Variants in EBF1 observed in about 807,000 individuals in gnomAD.
The protein encoded by EBF1 is EBF transcription factor 1, also known as transcription factor COE1.
A neutral mutation model predicts 68.4 loss-of-function variants in EBF1; 10 were observed. That is an observed-to-expected ratio of 0.15 (90% CI 0.09 to 0.25). The LOEUF is 0.25. Ranked by LOEUF, EBF1 falls within the 10% of genes least tolerant of loss-of-function variation. EBF1 has a pLI of 1.00. For missense variants in EBF1, 509 were observed against 794.4 expected, an observed-to-expected ratio of 0.64 and a Z score of 4.32; for synonymous variants, 298 against 299.8, an observed-to-expected ratio of 0.99 and a Z score of 0.06.
At chr5:158,882,123 T>C (rs1475035375) in intron 6 of EBF1, among the ~76,000 whole-genome samples, 1 of 152,236 alleles carries the variant, frequency 6.6e-6, no homozygotes, top group Non-Finnish European at 1.5e-5. Context: ...AGTTCAGCTA[T>C]GACATTATTA....
intron 6 of EBF1, among the ~76,000 whole-genome samples, chr5:158,991,103 G>A (rs1217699475): frequency 6.6e-6 from 1 of 152,194 alleles, no homozygotes; most frequent in African/African-American, 2.4e-5. Context: ...GTGTGATCTT[G>A]AGCAATACAC....
Position 158,712,192 on chromosome 5 carries a change from G to A in EBF1, c.1511C>T (p.Thr504Ile). The A allele has an allele frequency of 1.2e-6, 2 of 1,613,862 alleles. No individual in the cohort carries two copies. Among genetic ancestry groups the A allele is most frequent in the Non-Finnish European group, 1.7e-6 (2 of 1,179,898 alleles). Residue 504 changes from threonine to isoleucine, a missense_variant, in exon 14 of 16, where the codon ACC becomes ATC. Thr to Ile is a moderately conservative substitution (Grantham distance 89). This residue lies in a region of EBF1 where 205 missense variants were observed against 247.4 expected (regional missense o/e 0.83). Coordinates refer to ENST00000313708, the MANE Select transcript of EBF1 (RefSeq NM_024007.5). Reference protein sequence around the residue: ...AAMSNLGGSPTFLNGSAANSP... With the variant: ...AAMSNLGGSPIFLNGSAANSP... ...GTTGGCAGCTGAGCCGTTGAGGAAGGTGGGGGAGCCGCCCAAATTGGACAT... is the reference window on the plus strand; with the variant it reads ...GTTGGCAGCTGAGCCGTTGAGGAAGATGGGGGAGCCGCCCAAATTGGACAT...
intron 14 of EBF1, 37 bp downstream of exon 14, chr5:158,712,117 A>T: frequency 6.2e-7 from 1 of 1,607,954 alleles, no homozygotes; most frequent in South Asian, 1.1e-5. Flanking sequence ...TCTTCTAGCG[A>T]AACGTGCAGG....
intron 10 of EBF1, among the ~76,000 whole-genome samples, chr5:158,752,381 T>C (rs1333349212): frequency 6.7e-6 from 1 of 148,188 alleles, no homozygotes; most frequent in East Asian, 2.0e-4. Context: ...CAAGGATCCA[T>C]TTCTTAGGAA....
chr5:158,971,316 T>A (rs570770918), intron 6 of EBF1, among the ~76,000 whole-genome samples: 1 of 152,186 alleles, frequency 6.6e-6, no homozygotes, highest in Non-Finnish European at 1.5e-5. Flanking sequence ...GGGAGGCCCA[T>A]GAATTCCGGC....
intron 10 of EBF1, among the ~76,000 whole-genome samples, chr5:158,740,748 TG>T (rs1766157853): frequency 6.6e-6 from 1 of 152,238 alleles, no homozygotes; most frequent in Admixed American, 6.5e-5. Context: ...TCTTCAGTAT[TG>T]ACCTAACCTA....
chr5:158,973,795 C>G (rs777359404), intron 6 of EBF1, among the ~76,000 whole-genome samples: 1 of 152,104 alleles, frequency 6.6e-6, no homozygotes, highest in Non-Finnish European at 1.5e-5. Context: ...CCATAAAATC[C>G]TCAATAATTC....
intron 6 of EBF1, among the ~76,000 whole-genome samples, chr5:158,917,710 A>C (rs1807526189): frequency 6.6e-6 from 1 of 152,226 alleles, no homozygotes; most frequent in East Asian, 1.9e-4. Context: ...ATATGGAGTA[A>C]ATATTCCAGG....
chr5:158,867,669 C>T (rs115667267), intron 6 of EBF1, among the ~76,000 whole-genome samples: 1,800 of 152,190 alleles, frequency 0.012, 40 homozygotes, highest in African/African-American at 0.041. Flanking sequence ...CCTTAGTTTG[C>T]GGGAAGAAAA....
At chr5:158,820,016 C>A (rs1410900893) in intron 8 of EBF1, among the ~76,000 whole-genome samples, 1 of 152,030 alleles carries the variant, frequency 6.6e-6, no homozygotes, top group African/African-American at 2.4e-5. Context: ...CATAAGAAAG[C>A]CCATGCATGA....
intron 6 of EBF1, among the ~76,000 whole-genome samples, chr5:158,988,346 G>A (rs945729191): frequency 5.9e-5 from 9 of 152,130 alleles, no homozygotes; most frequent in South Asian, 2.1e-4. Flanking sequence ...TTCCCTATAC[G>A]CTGACTCTTG....
intron 6 of EBF1, among the ~76,000 whole-genome samples, chr5:159,041,558 A>G (rs527668403): frequency 1.3e-5 from 2 of 152,334 alleles, no homozygotes; most frequent in East Asian, 3.9e-4. Flanking sequence ...CCCAGGAATA[A>G]TGCAAATTAC....
At chr5:158,958,851 A>AT in intron 6 of EBF1, among the ~76,000 whole-genome samples, 1 of 152,204 alleles carries the variant, frequency 6.6e-6, no homozygotes, top group South Asian at 2.1e-4. Context: ...TGCCGTGCAT[A>AT]TTTTAAACCA....
rs548364252 is a variant in EBF1, at chr5:159,091,358, C to A, written c.411+4262G>T. Among the ~76,000 whole-genome samples the A allele has an allele frequency of 1.4e-3, 207 of 152,288 alleles. 2 individuals are homozygous for A. Among genetic ancestry groups the A allele is most frequent in the Non-Finnish European group, 1.5e-4 (10 of 68,006 alleles). On this transcript the variant is annotated intron_variant, in intron 4 of 15. Coordinates refer to ENST00000313708, the MANE Select transcript of EBF1 (RefSeq NM_024007.5). ...CCACTGTGATGAGTTTACATTTTCC[C>A]AAACACAGGTCCTGATCATGCATAA... is the stretch of plus-strand genomic sequence containing the variant.
chr5:158,869,578 AACACACACACACACACACACAC>A (rs3035120), intron 6 of EBF1, among the ~76,000 whole-genome samples: 15 of 145,172 alleles, frequency 1.0e-4, no homozygotes, highest in African/African-American at 3.6e-4. Context: ...GATCCTAATA[AACACACACACACACACACACAC>A]ACACACACAC....
chr5:159,015,928 C>T (rs1765538546), intron 6 of EBF1, among the ~76,000 whole-genome samples: 1 of 152,216 alleles, frequency 6.6e-6, no homozygotes, highest in African/African-American at 2.4e-5. Flanking sequence ...TTTGTGTTTA[C>T]AGCCTACTAA....
At chr5:158,802,499 A>G (rs988929810) in intron 8 of EBF1, among the ~76,000 whole-genome samples, 14 of 152,172 alleles carry the variant, frequency 9.2e-5, no homozygotes, top group African/African-American at 3.4e-4. Context: ...AATTCTATTA[A>G]CCAGAACTCT....
chr5:158,731,593 C>G (rs1330346078), intron 10 of EBF1, among the ~76,000 whole-genome samples: 2 of 152,150 alleles, frequency 1.3e-5, no homozygotes, highest in African/African-American at 4.8e-5. Context: ...CGGACCTCAG[C>G]TGATACAATA....
At chr5:158,909,431 C>A (rs1274726790) in intron 6 of EBF1, among the ~76,000 whole-genome samples, 1 of 152,166 alleles carries the variant, frequency 6.6e-6, no homozygotes, top group Non-Finnish European at 1.5e-5. Context: ...GGACCAAGAA[C>A]CCTGGTCGCA....
Sources: allele counts gnomAD v4.1 joint callset (sites outside exome capture counted in the v4.1 genomes callset), GRCh38; gene constraint gnomAD v4.1.1; regional missense constraint gnomAD v4.1.1; transcripts MANE v1.5; gene names NCBI Gene and HGNC (gene_info 2026-07-23, HGNC 2026-07-21).